DCTN1: variants seen among roughly 807,000 people sequenced by gnomAD.
DCTN1 encodes dynactin subunit 1, also known as 150 kDa dynein-associated polypeptide.
DCTN1 carries 61 observed loss-of-function variants against 161.2 expected under a neutral mutation model. The ratio of observed to expected loss-of-function variants is 0.38; its 90% CI spans 0.31 to 0.47. The LOEUF is 0.47. Ranked by LOEUF, DCTN1 falls within the 20% of genes least tolerant of loss-of-function variation. The pLI, the probability that DCTN1 is intolerant of heterozygous loss-of-function variation, is 0.99. For synonymous variants in DCTN1, 653 were observed against 632.4 expected, an observed-to-expected ratio of 1.03 and a Z score of -0.49; for missense variants, 1,404 against 1,623.7, an observed-to-expected ratio of 0.86 and a Z score of 2.33.
At chr2:74,377,837 G>T in intron 2 of DCTN1, 111 bp from the exon 3 acceptor site, 1 of 1,446,222 alleles carries the variant, frequency 6.9e-7, no homozygotes, top group Non-Finnish European at 9.7e-7. Context: ...GTACAGGGCA[G>T]CTTCCCTAAG....
In DCTN1 at chr2:74,370,988, C is replaced by A; in HGVS notation, c.834G>T (p.Glu278Asp). 3 of 1,614,016 alleles carry A rather than the reference C, an allele frequency of 1.9e-6. No individual in the cohort carries two copies. The highest frequency in any genetic ancestry group is 2.5e-6 in the Non-Finnish European group (3 of 1,180,042). ...QQADLQRRLK[E>D]ARKEAKEALE... ...TCATCCAGAGTCAAACCTTTCTCGC[C>A]TCCTTGAGGCGCCGCTGCAGGTCGG... The change falls in exon 9 of 32, where the codon GAG becomes GAT. Residue 278 changes from glutamate to aspartate, a missense_variant. Glu to Asp is a conservative substitution (Grantham distance 45, BLOSUM62 2). Around this residue, in one of 9 missense-constraint regions of DCTN1, gnomAD observed 67 missense variants for 116.3 expected, o/e 0.58. Transcript: ENST00000628224. The surrounding 1 kb of genome is among the most constrained non-coding windows in gnomAD (Gnocchi z 4.4).
intron 4 of DCTN1, 23 bp from the exon 5 acceptor site, chr2:74,376,785 C>A: frequency 1.9e-6 from 3 of 1,599,242 alleles, no homozygotes; most frequent in Non-Finnish European, 2.6e-6. Context: ...TAGGAAAGGG[C>A]AGAGTTAGAG....
chr2:74,387,361 T>TC (rs137863904), intron 1 of DCTN1, among the ~76,000 whole-genome samples: 5,930 of 152,086 alleles, frequency 0.039, 394 homozygotes, highest in African/African-American at 0.13. Flanking sequence ...TCCCACAACT[T>TC]CAACTACCAC....
At chr2:74,368,910 A>G in intron 15 of DCTN1, 30 bp from the exon 16 acceptor site, 1 of 1,613,752 alleles carries the variant, frequency 6.2e-7, no homozygotes, top group Middle Eastern at 1.7e-4. Flanking sequence ...GAGGACTCTT[A>G]GCCAGAGCTG....
Position 74,363,268 on chromosome 2 carries a change from C to A in DCTN1, c.3345+26G>T, listed in dbSNP as rs143237361. 1.7e-4 allele frequency: 267 copies of A among 1,614,104 alleles called. 3 individuals carry two copies. In the Middle Eastern group the frequency reaches 3.5e-3, roughly 21 times the overall value. On this transcript the variant is annotated intron_variant, in intron 28 of 31. Transcript: ENST00000628224. ...GGGGCAAATATGCTCCATCTCCCAT[C>A]CCAGTCCTCCCCGTGGCTCCCTCAC...
At chr2:74,383,044 C>T (rs1448085526), upstream of DCTN1, among the ~76,000 whole-genome samples, 24 of 150,416 alleles carry the variant, frequency 1.6e-4, no homozygotes, top group African/African-American at 5.6e-4. Context: ...CACTGCAGTC[C>T]GCAGTCCCGC....
At chr2:74,376,329 C>A (rs1244717263) in intron 5 of DCTN1, among the ~76,000 whole-genome samples, 1 of 152,196 alleles carries the variant, frequency 6.6e-6, no homozygotes, top group South Asian at 2.1e-4. Flanking sequence ...GACCTCCCAT[C>A]TTCCTGCAAA....
At chr2:74,391,285 T>C (rs1244611240) in intron 1 of DCTN1, 1 of 163,738 alleles carries the variant, frequency 6.1e-6, no homozygotes, top group Non-Finnish European at 1.3e-5. Context: ...CAGAGATCCT[T>C]ATCTGTGTGA....
rs755013572 is a variant in DCTN1 at position 74,361,526 on chromosome 2, G to A, written c.3810C>T (p.His1270=). ...HRLVLTQEQL[H]QLHSRLIS ...AGGAGATGAGGCGACTGTGAAGCTG[G>A]TGCAGCTGCTCCTGGGTCAGCACCA... is the stretch of plus-strand genomic sequence containing the variant. Residue 1270 remains histidine, a synonymous_variant, in exon 32 of 32, where the codon CAC becomes CAT. Coordinates refer to ENST00000628224, the MANE Select transcript of DCTN1 (RefSeq NM_004082.5). 6.2e-7 allele frequency: 1 copy of A among 1,614,148 alleles called. No individual in the cohort carries two copies. The highest frequency in any genetic ancestry group is 8.5e-7 in the Non-Finnish European group (1 of 1,180,036).
rs1558937413 is a variant in DCTN1 at position 74,366,911 on chromosome 2, T to C, written c.2338A>G (p.Ile780Val). Residue 780 changes from isoleucine (I) to valine (V), a missense_variant, in exon 21 of 32, where the codon ATT becomes GTT. By Grantham distance (29) the Ile-to-Val change is conservative (BLOSUM62 3). This residue lies in a region of DCTN1 where 475 missense variants were observed against 489.8 expected (regional missense o/e 0.97). Transcript: ENST00000628224. Reference sequence around the variant, plus strand: ...TCCAGATCCCGGAGCAGGAGGGCAATATCTGTAGCCTCCTGCCCACCCTAC... The same window carrying C: ...TCCAGATCCCGGAGCAGGAGGGCAACATCTGTAGCCTCCTGCCCACCCTAC... ...FLQGGQEATD[I>V]ALLLRDLETS... The C allele has an allele frequency of 3.1e-6, 5 of 1,614,168 alleles. No homozygotes were observed. The highest frequency in any genetic ancestry group is 4.2e-6 in the Non-Finnish European group (5 of 1,180,022).
intron 7 of DCTN1, 149 bp downstream of exon 7, chr2:74,372,779 A>T (rs1674954811): frequency 3.6e-6 from 3 of 834,640 alleles, no homozygotes; most frequent in Non-Finnish European, 6.1e-6. Context: ...GCCTGCCAGC[A>T]CTGCGAACCC....
intron 24 of DCTN1, 93 bp from the exon 25 acceptor site, chr2:74,365,750 G>A: frequency 6.2e-7 from 1 of 1,610,190 alleles, no homozygotes; most frequent in Non-Finnish European, 8.5e-7. Flanking sequence ...TTCCCTGAGG[G>A]CTCACCACAG....
At chr2:74,378,633 C>G (rs1488518506) in intron 1 of DCTN1, among the ~76,000 whole-genome samples, 2 of 152,184 alleles carry the variant, frequency 1.3e-5, no homozygotes, top group Non-Finnish European at 2.9e-5. Context: ...ACCCAATGCC[C>G]TGACTCAGGA....
Position 74,367,367 on chromosome 2 carries a change from C to T in DCTN1, c.2238G>A (p.Leu746=), listed in dbSNP as rs1553464441. Residue 746 remains leucine (L), a synonymous_variant, in exon 19 of 32, where the codon CTG becomes CTA. Transcript: ENST00000628224. ...AEQPEDCTMQ[L]ADHIKFTQSA... is the part of the protein sequence containing the mutation. ...GATACTTCACCTTAATGTGGTCAGC[C>T]AGCTGCATAGTACAGTCCTCAGGCT... The T allele has an allele frequency of 6.2e-7, 1 of 1,614,134 alleles. No homozygotes were observed. The highest frequency in any genetic ancestry group is 2.2e-5 in the East Asian group (1 of 44,878).
intron 1 of DCTN1, among the ~76,000 whole-genome samples, chr2:74,387,568 T>C (rs1675790162): frequency 6.6e-6 from 1 of 152,200 alleles, no homozygotes; most frequent in South Asian, 2.1e-4. Context: ...CCACTCAAAA[T>C]AGAAAACTGA....
At position 74,362,147 on chromosome 2, in the gene DCTN1, G is replaced by A. The variant is rs751068198; in HGVS notation, c.3610-6C>T. The A allele has an allele frequency of 3.1e-6, 5 of 1,613,158 alleles. No individual in the cohort carries two copies. The highest frequency in any genetic ancestry group is 1.6e-4 in the Middle Eastern group (1 of 6,080). ...GTCTCCTTGAGGACCTCATCCTAGG[G>A]AAGGGGAGAGGAAGACAAGGGTTCA... is the stretch of plus-strand genomic sequence containing the variant. On this transcript the variant is annotated splice_region_variant and splice_polypyrimidine_tract_variant and intron_variant, in intron 30 of 31. Coordinates refer to ENST00000628224, the MANE Select transcript of DCTN1 (RefSeq NM_004082.5).
At chr2:74,376,128 T>C (rs1009097997) in intron 5 of DCTN1, among the ~76,000 whole-genome samples, 1 of 152,062 alleles carries the variant, frequency 6.6e-6, no homozygotes, top group African/African-American at 2.4e-5. Context: ...ACTCCAATGA[T>C]GGTTGATGAA....
intron 1 of DCTN1, chr2:74,379,111 T>TCCCC (rs1276116429): frequency 6.6e-6 from 1 of 152,370 alleles, no homozygotes; most frequent in Non-Finnish European, 1.5e-5. Context: ...TAAGACACTG[T>TCCCC]CCTTGGGCAG....
In DCTN1 at chr2:74,370,848, A is replaced by AG. The variant is rs750543157; in HGVS notation, c.844-24dup. The AG allele has an allele frequency of 6.2e-7, 1 of 1,614,006 alleles. No homozygotes were observed. The highest frequency in any genetic ancestry group is 1.3e-5 in the African/African-American group (1 of 75,024). ...TTCCTGAGGAAGAAGTGGAGGTGGG[A>AG]GGGGGTACCAGCACAGAGATGCCCC... On this transcript the variant is annotated intron_variant, in intron 9 of 31. Transcript: ENST00000628224. This position sits in a 1 kb window ranked among gnomAD's most constrained non-coding sequence, Gnocchi z 4.4.
Sources: allele counts gnomAD v4.1 joint callset (sites outside exome capture counted in the v4.1 genomes callset), GRCh38; gene constraint gnomAD v4.1.1; regional missense constraint gnomAD v4.1.1; non-coding constraint Gnocchi (gnomAD v3.1); transcripts MANE v1.5; gene names NCBI Gene and HGNC (gene_info 2026-07-23, HGNC 2026-07-21).